PTPRG: variants seen among roughly 807,000 people sequenced by gnomAD.
The protein encoded by PTPRG is protein tyrosine phosphatase receptor type G, also known as receptor-type tyrosine-protein phosphatase gamma.
Under a neutral mutation model 165.3 loss-of-function variants are expected in PTPRG, and 102 were observed. That is an observed-to-expected ratio of 0.62 (90% confidence interval 0.53 to 0.73). The LOEUF (loss-of-function observed/expected upper bound fraction) is 0.73. PTPRG is among the 30% of genes least tolerant of loss of function. The pLI is 0.00. For synonymous variants in PTPRG, 675 were observed against 669.5 expected, an observed-to-expected ratio of 1.01 and a Z score of -0.13; for missense variants, 1,866 against 1,861.4, an observed-to-expected ratio of 1.00 and a Z score of -0.05.
chr3:61,754,261 A>C (rs187607847), intron 2 of PTPRG, among the ~76,000 whole-genome samples: 3 of 152,210 alleles, frequency 2.0e-5, no homozygotes, highest in Admixed American at 2.0e-4. Flanking sequence ...GATTTGAGGA[A>C]TTGCTCAGCT....
At chr3:62,147,880 G>A (rs560996008) in intron 6 of PTPRG, among the ~76,000 whole-genome samples, 1 of 152,302 alleles carries the variant, frequency 6.6e-6, no homozygotes, top group South Asian at 2.1e-4. Flanking sequence ...AACAAGCTGG[G>A]CGTGGTGGCT....
At chr3:62,166,406 G>A (rs893312292) in intron 7 of PTPRG, among the ~76,000 whole-genome samples, 4 of 150,810 alleles carry the variant, frequency 2.7e-5, no homozygotes, top group South Asian at 2.1e-4. Context: ...GCACAATCTC[G>A]GTGCACTGCA....
chr3:61,759,230 T>C (rs1430248223), intron 2 of PTPRG, among the ~76,000 whole-genome samples: 1 of 152,240 alleles, frequency 6.6e-6, no homozygotes, highest in African/African-American at 2.4e-5. Context: ...TTTTCTGTTA[T>C]GTAACTGATA....
chr3:61,926,581 TTCCCTCCCTCCCTCCC>T (rs753369598), intron 2 of PTPRG, among the ~76,000 whole-genome samples: 1 of 91,538 alleles, frequency 1.1e-5, no homozygotes, highest in African/African-American at 4.6e-5. Context: ...TTTCTTCCCC[TTCCCTCCCTCCCTCCC>T]TCCCTCCCTC....
At chr3:61,677,699 G>T (rs1441782004) in intron 1 of PTPRG, among the ~76,000 whole-genome samples, 1 of 152,048 alleles carries the variant, frequency 6.6e-6, no homozygotes, top group Non-Finnish European at 1.5e-5. Context: ...TTCTTACTTT[G>T]ATTTGGAACA....
Position 62,034,885 on chromosome 3 carries a change from C to T in PTPRG, c.519+31388C>T, listed in dbSNP as rs529803538. Among the ~76,000 whole-genome samples, 37 of 152,344 alleles carry T rather than the reference C, an allele frequency of 2.4e-4. No individual in the cohort carries two copies. The South Asian group carries it at 7.3e-3, about 30-fold the overall frequency. On this transcript the variant is annotated intron_variant, in intron 4 of 29. Transcript: ENST00000474889. The stretch of plus-strand genomic sequence containing the variant: ...TCAATAAATGTAATGGGAGCAATCT[C>T]ACTCTATTACTTTTAAATTAACTTA...
chr3:61,858,347 C>G (rs756867783), intron 2 of PTPRG, among the ~76,000 whole-genome samples: 3 of 151,956 alleles, frequency 2.0e-5, no homozygotes, highest in Non-Finnish European at 4.4e-5. Context: ...AACAGTATTC[C>G]CAACTTCTTC....
chr3:61,780,660 T>C (rs1481419358), intron 2 of PTPRG, among the ~76,000 whole-genome samples: 2 of 152,200 alleles, frequency 1.3e-5, no homozygotes, highest in Non-Finnish European at 2.9e-5. Context: ...AGTCAGTCCC[T>C]ACTGATGAGT....
intron 15 of PTPRG, among the ~76,000 whole-genome samples, chr3:62,248,473 A>G (rs1701340254): frequency 6.6e-6 from 1 of 152,184 alleles, no homozygotes; most frequent in South Asian, 2.1e-4. Flanking sequence ...CTTCTAAAAT[A>G]CTGAAGTGGT....
intron 17 of PTPRG, among the ~76,000 whole-genome samples, chr3:62,266,679 C>G (rs115626255): frequency 6.6e-6 from 1 of 151,518 alleles, no homozygotes; most frequent in Non-Finnish European, 1.5e-5. Flanking sequence ...TTTCAACTAG[C>G]CTTTTATGAT....
intron 14 of PTPRG, 42 bp downstream of exon 14, chr3:62,231,353 C>G: frequency 6.7e-7 from 1 of 1,487,502 alleles, no homozygotes; most frequent in Non-Finnish European, 9.0e-7. Context: ...TCTTGATGGC[C>G]GGGACTGGCT....
chr3:61,642,388 T>C (rs1453391149), intron 1 of PTPRG, among the ~76,000 whole-genome samples: 2 of 152,234 alleles, frequency 1.3e-5, no homozygotes, highest in African/African-American at 4.8e-5. Flanking sequence ...GATCTTCTGT[T>C]CTGGTGATAG....
chr3:61,863,612 G>A (rs530632273), intron 2 of PTPRG, among the ~76,000 whole-genome samples: 2 of 152,280 alleles, frequency 1.3e-5, no homozygotes, highest in South Asian at 4.1e-4. Context: ...GCTATGCAAA[G>A]CAATTATTCC....
intron 2 of PTPRG, among the ~76,000 whole-genome samples, chr3:61,774,366 A>G (rs2034304816): frequency 6.6e-6 from 1 of 152,206 alleles, no homozygotes; most frequent in South Asian, 2.1e-4. Flanking sequence ...TTGCATGAAT[A>G]TAAGTACCCC....
chr3:61,917,806 G>A (rs1398696555), intron 2 of PTPRG, among the ~76,000 whole-genome samples: 7 of 152,234 alleles, frequency 4.6e-5, no homozygotes, highest in Non-Finnish European at 1.0e-4. Context: ...GGTGGCGGAC[G>A]CTTGTAATCC....
At chr3:61,957,266 G>A (rs543490198) in intron 2 of PTPRG, among the ~76,000 whole-genome samples, 29 of 152,278 alleles carry the variant, frequency 1.9e-4, no homozygotes, top group East Asian at 1.2e-3. Context: ...AAGGTAGTGC[G>A]TTGTAAATAT....
chr3:61,804,843 G>T (rs1187440922), intron 2 of PTPRG, among the ~76,000 whole-genome samples: 4 of 152,216 alleles, frequency 2.6e-5, no homozygotes, highest in African/African-American at 7.2e-5. Context: ...CAGTTTTGAA[G>T]CATAGGATTT....
At chr3:62,104,060 G>A (rs940931438) in intron 5 of PTPRG, among the ~76,000 whole-genome samples, 2 of 152,170 alleles carry the variant, frequency 1.3e-5, no homozygotes, top group East Asian at 1.9e-4. Context: ...GTATATTTTT[G>A]TTACTTTATG....
chr3:61,839,578 A>T (rs986180738), intron 2 of PTPRG, among the ~76,000 whole-genome samples: 2 of 152,194 alleles, frequency 1.3e-5, no homozygotes, highest in Non-Finnish European at 2.9e-5. Flanking sequence ...AAAAGATAGG[A>T]ATTTGCTTTA....
Sources: allele counts gnomAD v4.1 joint callset (sites outside exome capture counted in the v4.1 genomes callset), GRCh38; gene constraint gnomAD v4.1.1; transcripts MANE v1.5; gene names NCBI Gene and HGNC (gene_info 2026-07-23, HGNC 2026-07-21).